Variants in CDK18 observed in about 807,000 individuals in gnomAD.
CDK18 encodes the protein cyclin dependent kinase 18, also known as cyclin-dependent kinase 18.
CDK18 carries 52 observed loss-of-function variants against 62.0 expected under a neutral mutation model. The observed-to-expected ratio is 0.84, with a 90% CI of 0.67 to 1.06. CDK18 has a LOEUF of 1.06. Ranked by LOEUF, CDK18 falls within the 50% of genes least tolerant of loss-of-function variation. The pLI is 0.00. For missense variants in CDK18, 604 were observed against 619.9 expected (o/e 0.97, Z 0.27); for synonymous variants, 237 against 247.0 (o/e 0.96, Z 0.38).
chr1:205,527,767 C>T lies in CDK18; in HGVS notation c.730-27C>T. 2 of 1,611,938 alleles carry T rather than the reference C, an allele frequency of 1.2e-6. No individual in the cohort carries two copies. Among genetic ancestry groups the T allele is most frequent in the South Asian group, 1.1e-5 (1 of 90,710 alleles). Reference sequence around the variant, plus strand: ...GCAGAGGCTCAGGGCCACCTTCCACCCCACATTTCTCTTCCCCCTCCCCCA... The same window carrying T: ...GCAGAGGCTCAGGGCCACCTTCCACTCCACATTTCTCTTCCCCCTCCCCCA... On this transcript the variant is annotated intron_variant, in intron 8 of 15. Transcript: ENST00000429964. This position sits in a 1 kb window ranked among gnomAD's most constrained non-coding sequence, Gnocchi z 4.1.
intron 1 of CDK18, among the ~76,000 whole-genome samples, chr1:205,513,716 G>A (rs1304290565): frequency 6.6e-6 from 1 of 152,176 alleles, no homozygotes. Context: ...CCAGGAAGAG[G>A]GCCACAAGCC....
chr1:205,505,688 G>A (rs1667272510), intron 1 of CDK18, among the ~76,000 whole-genome samples: 1 of 152,200 alleles, frequency 6.6e-6, no homozygotes, highest in Non-Finnish European at 1.5e-5. Flanking sequence ...CCCTGAAGGT[G>A]TCTGCAGACC....
At chr1:205,515,356 T>C (rs922927498) in intron 1 of CDK18, among the ~76,000 whole-genome samples, 2 of 152,006 alleles carry the variant, frequency 1.3e-5, no homozygotes, top group Non-Finnish European at 2.9e-5. Flanking sequence ...TTTGTATTTT[T>C]AGTAGAGACA....
chr1:205,505,047 T>C (rs936851382), intron 1 of CDK18, among the ~76,000 whole-genome samples: 24 of 152,174 alleles, frequency 1.6e-4, no homozygotes, highest in African/African-American at 5.1e-4. Context: ...CACTCGTAAG[T>C]TCCAGGTGCT....
intron 3 of CDK18, 123 bp downstream of exon 3, chr1:205,523,748 GCT>G (rs1032775189): frequency 1.6e-6 from 2 of 1,286,906 alleles, no homozygotes; most frequent in Non-Finnish European, 2.1e-6. Flanking sequence ...CCATTCATTA[GCT>G]CTGTGACTTT....
Position 205,529,402 on chromosome 1 carries a change from C to G in CDK18, c.1151C>G (p.Pro384Arg), listed in dbSNP as rs756053212. ...FRTYSFPCYL[P>R]QPLINHAPRL... is the part of the protein sequence containing the mutation. ...ACCTACAGCTTCCCCTGCTACCTCC[C>G]GCAGCCGCTCATCAACCACGCGCCC... The change falls in exon 12 of 16, where the codon CCG becomes CGG. Residue 384 changes from proline to arginine, a missense_variant. Transcript: ENST00000429964. 6.2e-7 allele frequency: 1 copy of G among 1,613,904 alleles called. No individual in the cohort carries two copies. Among genetic ancestry groups the G allele is most frequent in the Non-Finnish European group, 8.5e-7 (1 of 1,179,954 alleles).
At chr1:205,507,497 A>G (rs1667363078) in intron 1 of CDK18, among the ~76,000 whole-genome samples, 1 of 150,922 alleles carries the variant, frequency 6.6e-6, no homozygotes, top group Admixed American at 6.6e-5. Context: ...AAAATTAGTC[A>G]GGCGTGGTGG....
At chr1:205,509,589 G>A (rs562938419) in intron 1 of CDK18, among the ~76,000 whole-genome samples, 34 of 152,188 alleles carry the variant, frequency 2.2e-4, no homozygotes, top group African/African-American at 7.2e-4. Context: ...ATGTGATTGC[G>A]AGGACTCCAG....
intron 1 of CDK18, among the ~76,000 whole-genome samples, chr1:205,515,468 C>T (rs769070304): frequency 2.6e-5 from 4 of 152,144 alleles, no homozygotes; most frequent in Non-Finnish European, 4.4e-5. Context: ...TGAGCCACCG[C>T]GCCTAGCCAC....
At chr1:205,506,938 C>A (rs544216175) in intron 1 of CDK18, among the ~76,000 whole-genome samples, 55 of 152,348 alleles carry the variant, frequency 3.6e-4, no homozygotes, top group African/African-American at 1.2e-3. Flanking sequence ...CCGCTCAGGT[C>A]TAGAGGACAT....
chr1:205,530,117 G>T, intron 13 of CDK18, 142 bp from the exon 14 acceptor site: 1 of 1,465,726 alleles, frequency 6.8e-7, no homozygotes, highest in Non-Finnish European at 9.0e-7. Context: ...GTTTGTGGTA[G>T]GGGCTGGAGG....
At chr1:205,522,799 A>C (rs1355002340) in intron 1 of CDK18, 1 of 171,156 alleles carries the variant, frequency 5.8e-6, no homozygotes, top group Non-Finnish European at 1.2e-5. Flanking sequence ...TAAAGGGCTT[A>C]GGTCTGGGGG....
rs768671016 is a variant in CDK18, at chr1:205,515,405, G to A, written c.-21-7742G>A. 5.9e-5 allele frequency among the ~76,000 whole-genome samples: 9 copies of A among 151,970 alleles called. No individual in the cohort carries two copies. The South Asian group carries it at 6.2e-4, about 11-fold the overall frequency. On this transcript the variant is annotated intron_variant, in intron 1 of 15. Transcript: ENST00000429964. ...TTGGCCAGTCTGGTCTTGAACTCCC[G>A]ACCTCAGGTGGTCCACCCACCTTGA...
At chr1:205,512,357 G>A (rs925029454) in intron 1 of CDK18, among the ~76,000 whole-genome samples, 1 of 152,236 alleles carries the variant, frequency 6.6e-6, no homozygotes, top group Admixed American at 6.5e-5. Flanking sequence ...GGAGACCCAG[G>A]CAGCCAAAGG....
In CDK18 at chr1:205,532,008, C is replaced by T. The variant is rs1395444064; in HGVS notation, c.*630C>T. The T allele has an allele frequency of 1.3e-5, 2 of 154,358 alleles. No homozygotes were observed. Among genetic ancestry groups the T allele is most frequent in the African/African-American group, 4.8e-5 (2 of 41,456 alleles). The allele number at this position is 154,358 out of a possible 1,614,324, so 9.6% of individuals were successfully genotyped here. A position where few individuals can be genotyped will look rare whatever the true frequency, so the allele number is the denominator to read the frequency against. ...CTACCCTACCCTCATTCCCCGACAC[C>T]CTCTGGCTTGAACCATGGCTGAGCA... On this transcript the variant is annotated 3_prime_UTR_variant, in exon 16 of 16. Transcript: ENST00000429964.
rs1221214075 is a variant in CDK18 at position 205,528,960 on chromosome 1, C to CCCCTGCCTGATGCCGA, written c.975-34_975-19dup. 3.5e-6 allele frequency: 5 copies of CCCCTGCCTGATGCCGA among 1,420,898 alleles called. No homozygotes were observed. The highest frequency in any genetic ancestry group is 4.8e-6 in the Non-Finnish European group (5 of 1,032,322). The allele number at this position is 1,420,898 out of a possible 1,614,324, so 88.0% of individuals were successfully genotyped here. ...GGAGCAGCCCTAGGAAGGGCGGCCG[C>CCCCTGCCTGATGCCGA]CCCTGCCTGATGCCGACCCTACCCC... is the stretch of plus-strand genomic sequence containing the variant. On this transcript the variant is annotated intron_variant, in intron 10 of 15. Coordinates refer to ENST00000429964, the MANE Select transcript of CDK18 (RefSeq NM_212502.3). The surrounding 1 kb of genome is among the most constrained non-coding windows in gnomAD (Gnocchi z 4.2).
At position 205,523,720 on chromosome 1, in the gene CDK18, G is replaced by A. The variant is rs978652420; in HGVS notation, c.273+95G>A. 6.3e-6 allele frequency: 9 copies of A among 1,436,610 alleles called. No homozygotes were observed. The African/African-American group carries it at 1.0e-4, about 16-fold the overall frequency. The allele number at this position is 1,436,610 out of a possible 1,614,324, so 89.0% of individuals were successfully genotyped here. A position where few individuals can be genotyped will look rare whatever the true frequency, so the allele number is the denominator to read the frequency against. ...GCTGCCTTACAGCCAGACTTTGTGA[G>A]TTCAAATTCCACCTCTGCCATTCAT... On this transcript the variant is annotated intron_variant, in intron 3 of 15. Transcript: ENST00000429964.
At chr1:205,509,044 G>A (rs1347396274) in intron 1 of CDK18, among the ~76,000 whole-genome samples, 1 of 151,872 alleles carries the variant, frequency 6.6e-6, no homozygotes, top group Non-Finnish European at 1.5e-5. Context: ...AGCTACTCGG[G>A]AGGCTGAGGT....
Position 205,516,450 on chromosome 1 carries a change from C to A in CDK18, c.-21-6697C>A, listed in dbSNP as rs1320102414. Among the ~76,000 whole-genome samples the A allele has an allele frequency of 2.6e-5, 4 of 152,132 alleles. No individual in the cohort carries two copies. Among genetic ancestry groups the A allele is most frequent in the South Asian group, 4.2e-4 (2 of 4,816 alleles). On this transcript the variant is annotated intron_variant, in intron 1 of 15. Coordinates refer to ENST00000429964, the MANE Select transcript of CDK18 (RefSeq NM_212502.3). The surrounding 1 kb of genome is among the most constrained non-coding windows in gnomAD (Gnocchi z 4.8). ...CACAAGTTACGTCCCCCAACCCCTG[C>A]CCCTGGGCCCACAGAGACCAAGATT...
Sources: gnomAD v4.1 joint callset for allele counts (sites outside exome capture counted in the v4.1 genomes callset) on GRCh38, gnomAD v4.1.1 for gene constraint, Gnocchi (gnomAD v3.1) non-coding constraint, MANE v1.5 for transcripts, NCBI Gene and HGNC (gene_info 2026-07-23, HGNC 2026-07-21) for gene names.